The following LIPC variants were observed in gnomAD, a reference collection of about 807,000 sequenced individuals.
LIPC encodes the protein hepatic triacylglycerol lipase.
In LIPC, 44 loss-of-function variants were observed where a neutral mutation model predicts 50.7. That is an observed-to-expected ratio of 0.87 (90% confidence interval 0.68 to 1.11). The LOEUF is 1.11. Ranked by LOEUF, LIPC falls within the 50% of genes most tolerant of loss-of-function variation. The pLI, the probability that LIPC is intolerant of heterozygous loss-of-function variation, is 0.00. For synonymous variants in LIPC, 271 were observed against 256.4 expected (o/e 1.06, Z -0.54); for missense variants, 697 against 648.2 (o/e 1.08, Z -0.82).
In LIPC at chr15:58,545,790, G is replaced by A. The variant is rs200684324; in HGVS notation, c.623G>A (p.Arg208His). The A allele has an allele frequency of 1.2e-4, 195 of 1,614,182 alleles. No homozygotes were observed. Among genetic ancestry groups the A allele is most frequent in the Non-Finnish European group, 1.3e-4 (159 of 1,180,026 alleles). Residue 208 changes from arginine (R) to histidine (H), a missense_variant, in exon 5 of 9, where the codon CGT becomes CAT. Physicochemically the swap from Arg to His is conservative, Grantham distance 29 (BLOSUM62 0). Coordinates refer to ENST00000299022, the MANE Select transcript of LIPC (RefSeq NM_000236.3). ...TTTGAGGGAAGTGCCCCCAGCAATC[G>A]TCTTTCTCCAGATGATGCCAATTTT... ...PLFEGSAPSN[R>H]LSPDDANFVD...
rs2140839749 is a variant in LIPC, at chr15:58,502,366, G to C, written c.89-35967G>C. On this transcript the variant is annotated intron_variant, in intron 1 of 8. Coordinates refer to ENST00000299022, the MANE Select transcript of LIPC (RefSeq NM_000236.3). Reference sequence around the variant, plus strand: ...ACCTGGACAGCAGGATTGTGACTTAGCTGCCATCCCGAGTTTTACCTGGCA... The same window carrying C: ...ACCTGGACAGCAGGATTGTGACTTACCTGCCATCCCGAGTTTTACCTGGCA... Among the ~76,000 whole-genome samples, 6 of 152,218 alleles carry C rather than the reference G, an allele frequency of 3.9e-5. No individual in the cohort carries two copies. The Middle Eastern group carries it at 0.014, about 345-fold the overall frequency.
chr15:58,485,532 G>C (rs1479062483), intron 1 of LIPC, among the ~76,000 whole-genome samples: 1 of 152,160 alleles, frequency 6.6e-6, no homozygotes, highest in Admixed American at 6.5e-5. Flanking sequence ...CTCGGGCTAA[G>C]GGCTGTTTCC....
intron 6 of LIPC, among the ~76,000 whole-genome samples, chr15:58,554,583 AC>A (rs1893868734): frequency 1.3e-5 from 2 of 150,926 alleles, no homozygotes; most frequent in African/African-American, 4.9e-5. Context: ...AAAAACACTT[AC>A]AAAAATCCAA....
intron 1 of LIPC, among the ~76,000 whole-genome samples, chr15:58,452,918 T>C (rs113390721): frequency 2.4e-4 from 36 of 152,342 alleles, no homozygotes; most frequent in African/African-American, 8.4e-4. Context: ...GCTGGTGGCC[T>C]TGGCCTGTGA....
intron 1 of LIPC, among the ~76,000 whole-genome samples, chr15:58,472,285 A>AG (rs1438216221): frequency 1.2e-4 from 18 of 144,520 alleles, no homozygotes; most frequent in South Asian, 4.5e-4. Flanking sequence ...AAAAAAAAAA[A>AG]AAAAAAAAGA....
chr15:58,445,099 G>C (rs1278572901), intron 1 of LIPC, among the ~76,000 whole-genome samples: 3 of 152,220 alleles, frequency 2.0e-5, no homozygotes, highest in Admixed American at 2.0e-4. Context: ...AGGGTGGGAT[G>C]GGGAGTGGGG....
At chr15:58,520,564 C>G (rs571734551) in intron 1 of LIPC, among the ~76,000 whole-genome samples, 156 of 152,270 alleles carry the variant, frequency 1.0e-3, no homozygotes, top group Admixed American at 2.0e-3. Flanking sequence ...GAAAGCTGCC[C>G]CAGACAGAAT....
At chr15:58,523,886 G>A (rs540653134) in intron 1 of LIPC, among the ~76,000 whole-genome samples, 10 of 152,230 alleles carry the variant, frequency 6.6e-5, no homozygotes, top group East Asian at 3.9e-4. Context: ...AGTGAGCTAC[G>A]ATCACTACAC....
chr15:58,495,666 A>G (rs1175159344), intron 1 of LIPC, among the ~76,000 whole-genome samples: 5 of 152,244 alleles, frequency 3.3e-5, no homozygotes, highest in African/African-American at 1.2e-4. Context: ...AAAGTCACCC[A>G]GCCCACATGA....
At chr15:58,517,061 G>A (rs539321666) in intron 1 of LIPC, among the ~76,000 whole-genome samples, 16 of 152,306 alleles carry the variant, frequency 1.1e-4, no homozygotes, top group Non-Finnish European at 1.9e-4. Flanking sequence ...TTAGTCTAGG[G>A]CAAATTTGCC....
chr15:58,452,432 A>C (rs1272785407), intron 1 of LIPC, among the ~76,000 whole-genome samples: 1 of 152,228 alleles, frequency 6.6e-6, no homozygotes, highest in Non-Finnish European at 1.5e-5. Context: ...TGAATTTAGA[A>C]GAGTGTGAAC....
chr15:58,512,785 G>A (rs931586905), intron 1 of LIPC, among the ~76,000 whole-genome samples: 5 of 152,094 alleles, frequency 3.3e-5, no homozygotes, highest in Non-Finnish European at 7.3e-5. Flanking sequence ...GAAAGGGGAT[G>A]GAAGGTAAAA....
intron 6 of LIPC, among the ~76,000 whole-genome samples, chr15:58,554,487 T>C (rs1261596076): frequency 1.3e-5 from 2 of 152,160 alleles, no homozygotes; most frequent in Admixed American, 1.3e-4. Flanking sequence ...CCTTAATCTT[T>C]GTAATAGCAT....
intron 1 of LIPC, among the ~76,000 whole-genome samples, chr15:58,533,624 T>C (rs1446704761): frequency 6.6e-6 from 1 of 152,196 alleles, no homozygotes; most frequent in Non-Finnish European, 1.5e-5. Flanking sequence ...AAGTACGTTT[T>C]GAAGAATTTT....
chr15:58,561,911 C>T (rs951020432), intron 7 of LIPC, among the ~76,000 whole-genome samples: 1 of 152,074 alleles, frequency 6.6e-6, no homozygotes, highest in Non-Finnish European at 1.5e-5. Context: ...TTTGGAATGC[C>T]CTTGGCTGAG....
rs376820558 is a variant in LIPC, at chr15:58,504,427, T to A, written c.89-33906T>A. On this transcript the variant is annotated intron_variant, in intron 1 of 8. Coordinates refer to ENST00000299022, the MANE Select transcript of LIPC (RefSeq NM_000236.3). ...TCTTTAAGCCGAATCACAAAGAAAT[T>A]CCCATTTTGGCCAGTTCTGTTTCTG... 7.2e-5 allele frequency among the ~76,000 whole-genome samples: 11 copies of A among 152,270 alleles called. 1 individual carries two copies. The highest frequency in any genetic ancestry group is 2.4e-4 in the African/African-American group (10 of 41,560).
chr15:58,559,106 G>A (rs768293360), intron 6 of LIPC, among the ~76,000 whole-genome samples: 14 of 152,228 alleles, frequency 9.2e-5, no homozygotes, highest in African/African-American at 3.4e-4. Context: ...GGTAGAAATA[G>A]TACCATTTAG....
intron 8 of LIPC, chr15:58,563,955 C>T: frequency 1.8e-6 from 1 of 545,026 alleles, no homozygotes; most frequent in Non-Finnish European, 3.4e-6. Context: ...TCCCCACTGC[C>T]CGTGGCTAAC....
intron 8 of LIPC, 106 bp from the exon 9 acceptor site, chr15:58,568,610 C>T: frequency 1.4e-6 from 1 of 712,840 alleles, no homozygotes; most frequent in East Asian, 2.7e-5. Context: ...TAAAAAAAGA[C>T]ATCACATGCC....
Sources: gnomAD v4.1 joint callset for allele counts (sites outside exome capture counted in the v4.1 genomes callset) on GRCh38, gnomAD v4.1.1 for gene constraint, MANE v1.5 for transcripts, NCBI Gene and HGNC (gene_info 2026-07-23, HGNC 2026-07-21) for gene names.